Variants in CCDC93 observed in about 807,000 individuals in gnomAD.
CCDC93 encodes coiled-coil domain-containing protein 93.
In CCDC93, 61 loss-of-function variants were observed where a neutral mutation model predicts 108.2. That is an observed-to-expected ratio of 0.56 (90% CI 0.46 to 0.70). The LOEUF (loss-of-function observed/expected upper bound fraction) is 0.70. Among genes scored for constraint, CCDC93 ranks in the 30% least tolerant of loss-of-function variants. The pLI, the probability that CCDC93 is intolerant of heterozygous loss-of-function variation, is 0.00. For missense variants in CCDC93, 685 were observed against 764.2 expected, an observed-to-expected ratio of 0.90 and a Z score of 1.22; for synonymous variants, 276 against 260.4, an observed-to-expected ratio of 1.06 and a Z score of -0.58.
rs17569222 is a variant in CCDC93, at chr2:117,920,237, C to A, written c.*106G>T. On this transcript the variant is annotated 3_prime_UTR_variant, in exon 24 of 24. Transcript: ENST00000376300. Reference sequence around the variant, plus strand: ...AACATCCAGGTTGTTGAAATCATCACAACTGCATCTCTCTACTGTCGCTTT... The same window carrying A: ...AACATCCAGGTTGTTGAAATCATCAAAACTGCATCTCTCTACTGTCGCTTT... 4.3e-6 allele frequency: 3 copies of A among 696,642 alleles called. No individual in the cohort carries two copies. Among genetic ancestry groups the A allele is most frequent in the Non-Finnish European group, 4.9e-6 (2 of 405,532 alleles). The allele number at this position is 696,642 out of a possible 1,614,324, so 43.2% of individuals were successfully genotyped here. A position where few individuals can be genotyped will look rare whatever the true frequency, so the allele number is the denominator to read the frequency against.
chr2:117,994,722 C>A (rs1049832892), intron 6 of CCDC93, among the ~76,000 whole-genome samples: 2 of 152,100 alleles, frequency 1.3e-5, no homozygotes, highest in Non-Finnish European at 2.9e-5. Context: ...CATATTAATA[C>A]AAGAAACTAT....
chr2:117,993,212 C>T (rs1368886824), intron 6 of CCDC93, among the ~76,000 whole-genome samples: 3 of 151,934 alleles, frequency 2.0e-5, no homozygotes, highest in Admixed American at 6.5e-5. Context: ...CTGGCTAACA[C>T]GGTGAAACCC....
At chr2:118,002,242 T>C (rs1025296758) in intron 3 of CCDC93, among the ~76,000 whole-genome samples, 1 of 152,198 alleles carries the variant, frequency 6.6e-6, no homozygotes, top group Non-Finnish European at 1.5e-5. Flanking sequence ...AGAAGTCTTG[T>C]CCACCTTTAT....
chr2:117,915,767 T>C lies in CCDC93; in HGVS notation c.*4576A>G, dbSNP rs1445636430. The C allele has an allele frequency of 1.3e-5, 2 of 152,226 alleles. No individual in the cohort carries two copies. Among genetic ancestry groups the C allele is most frequent in the Admixed American group, 1.3e-4 (2 of 15,282 alleles). 9.4% of individuals were successfully genotyped at this position (152,226 alleles called of 1,614,324 possible). A position where few individuals can be genotyped will look rare whatever the true frequency, so the allele number is the denominator to read the frequency against. On this transcript the variant is annotated 3_prime_UTR_variant, in exon 24 of 24. Coordinates refer to ENST00000376300, the MANE Select transcript of CCDC93 (RefSeq NM_019044.5). ...CATATGATATACACGTGTATACGTC[T>C]GTGTGAAAACATATGCACACACATA... is the stretch of plus-strand genomic sequence containing the variant.
chr2:117,958,113 T>G (rs761277673), intron 12 of CCDC93, among the ~76,000 whole-genome samples: 1 of 152,198 alleles, frequency 6.6e-6, no homozygotes, highest in Non-Finnish European at 1.5e-5. Context: ...AAGGGCTGGA[T>G]AGTAAATATT....
chr2:117,987,651 G>A (rs1279825209), intron 6 of CCDC93, among the ~76,000 whole-genome samples: 2 of 152,152 alleles, frequency 1.3e-5, no homozygotes, highest in African/African-American at 4.8e-5. Flanking sequence ...AGATCTTGAA[G>A]GATGCTCCCA....
intron 1 of CCDC93, among the ~76,000 whole-genome samples, chr2:118,011,371 C>G (rs1159728671): frequency 6.6e-6 from 1 of 152,134 alleles, no homozygotes; most frequent in Non-Finnish European, 1.5e-5. Context: ...TGACCCTGGT[C>G]CAGTCCATTA....
intron 23 of CCDC93, among the ~76,000 whole-genome samples, chr2:117,921,451 C>G (rs1019798433): frequency 3.9e-5 from 6 of 152,074 alleles, no homozygotes; most frequent in South Asian, 2.1e-4. Flanking sequence ...AACTCTGACC[C>G]CATTCTCTGG....
intron 23 of CCDC93, among the ~76,000 whole-genome samples, chr2:117,925,662 CAAT>C (rs1169624735): frequency 6.6e-6 from 1 of 152,100 alleles, no homozygotes; most frequent in East Asian, 1.9e-4. Flanking sequence ...GACTACCACA[CAAT>C]AATAATGGGA....
At position 117,920,411 on chromosome 2, in the gene CCDC93, G is replaced by T; in HGVS notation, c.1843-15C>A. 1 of 1,601,950 alleles carries T rather than the reference G, an allele frequency of 6.2e-7. No individual in the cohort carries two copies. Among genetic ancestry groups the T allele is most frequent in the Non-Finnish European group, 8.5e-7 (1 of 1,169,932 alleles). On this transcript the variant is annotated splice_polypyrimidine_tract_variant and intron_variant, in intron 23 of 23. Coordinates refer to ENST00000376300, the MANE Select transcript of CCDC93 (RefSeq NM_019044.5). ...TTGCGGCCCTCCTGGAGGGAAAGCA[G>T]AGAGTATAGAGAGAGTGGTGACTAC...
intron 4 of CCDC93, chr2:117,999,845 T>G (rs1234631885): frequency 6.6e-6 from 1 of 152,330 alleles, no homozygotes; most frequent in Non-Finnish European, 1.5e-5. Context: ...ATATTACTTT[T>G]TATTGTTGTA....
At chr2:117,985,486 AC>A in intron 7 of CCDC93, 1 of 933,886 alleles carries the variant, frequency 1.1e-6, no homozygotes, top group Non-Finnish European at 1.3e-6. Flanking sequence ...ATGTCCTTGC[AC>A]TTTTTTTTAA....
chr2:118,003,900 C>T (rs571803273), intron 3 of CCDC93, among the ~76,000 whole-genome samples: 3 of 152,134 alleles, frequency 2.0e-5, no homozygotes, highest in Non-Finnish European at 4.4e-5. Context: ...CTTCTACCTG[C>T]GGCTCTAGGT....
intron 23 of CCDC93, among the ~76,000 whole-genome samples, chr2:117,925,869 TA>T (rs1573458295): frequency 6.6e-6 from 1 of 152,136 alleles, no homozygotes; most frequent in East Asian, 1.9e-4. Flanking sequence ...TAGATGGAAG[TA>T]AAGCACTCCT....
At chr2:118,006,345 A>G (rs1676868355) in intron 3 of CCDC93, among the ~76,000 whole-genome samples, 2 of 152,180 alleles carry the variant, frequency 1.3e-5, no homozygotes, top group African/African-American at 2.4e-5. Flanking sequence ...GTGCTACAAA[A>G]GACTGGGCAG....
chr2:117,984,075 G>A (rs998738909), intron 7 of CCDC93, among the ~76,000 whole-genome samples: 2 of 152,014 alleles, frequency 1.3e-5, no homozygotes, highest in East Asian at 3.9e-4. Context: ...TCTGAATGTT[G>A]TCATTATTAG....
At chr2:117,935,656 G>A (rs1419631548) in intron 21 of CCDC93, 77 bp from the exon 22 acceptor site, 3 of 1,091,632 alleles carry the variant, frequency 2.7e-6, no homozygotes, top group African/African-American at 1.5e-5. Flanking sequence ...AGTCAGCTCT[G>A]TATCCAGATT....
chr2:117,979,837 A>C (rs1680057926), intron 7 of CCDC93, among the ~76,000 whole-genome samples: 1 of 152,202 alleles, frequency 6.6e-6, no homozygotes, highest in East Asian at 1.9e-4. Context: ...GCTGGAAAAG[A>C]GACTATTTTC....
At position 117,939,108 on chromosome 2, in the gene CCDC93, G is replaced by GAAACTGTA. The variant is rs1271689503; in HGVS notation, c.1523-5_1525dup (p.Ser509LeufsTer34). 6.3e-7 allele frequency: 1 copy of GAAACTGTA among 1,593,580 alleles called. No homozygotes were observed. Among genetic ancestry groups the GAAACTGTA allele is most frequent in the African/African-American group, 1.3e-5 (1 of 74,432 alleles). On this transcript the variant is annotated frameshift_variant, in exon 20 of 24. Coordinates refer to ENST00000376300, the MANE Select transcript of CCDC93 (RefSeq NM_019044.5). LOFTEE classifies it high-confidence loss of function. ...CTGCTTGGTTTCTTTGTGCACTGCTGAAACTGTAAAAGTAAAGAAATCAGC... is the reference window on the plus strand; with the variant it reads ...CTGCTTGGTTTCTTTGTGCACTGCTGAAACTGTAAAACTGTAAAAGTAAAGAAATCAGC...
Sources: gnomAD v4.1 joint callset for allele counts (sites outside exome capture counted in the v4.1 genomes callset) on GRCh38, gnomAD v4.1.1 for gene constraint, MANE v1.5 for transcripts, NCBI Gene and HGNC (gene_info 2026-07-23, HGNC 2026-07-21) for gene names.